The following NAALADL2 variants were observed in gnomAD, a reference collection of about 807,000 sequenced individuals.
NAALADL2 encodes inactive N-acetylated-alpha-linked acidic dipeptidase-like protein 2.
Under a neutral mutation model 87.2 loss-of-function variants are expected in NAALADL2, and 76 were observed. The ratio of observed to expected loss-of-function variants is 0.87; its 90% CI spans 0.72 to 1.05. The LOEUF (loss-of-function observed/expected upper bound fraction) is 1.05, where lower values mean the gene tolerates loss of function less well. Ranked by LOEUF, NAALADL2 falls within the 50% of genes least tolerant of loss-of-function variation. The pLI, the probability that NAALADL2 is intolerant of heterozygous loss-of-function variation, is 0.00. For missense variants in NAALADL2, 1,089 were observed against 945.8 expected (o/e 1.15, Z -1.99); for synonymous variants, 354 against 331.0 (o/e 1.07, Z -0.75).
Position 175,080,103 on chromosome 3 carries a change from C to T in NAALADL2, c.44-16687C>T, listed in dbSNP as rs111361199. ...GCCTCAGCCTCCCGAGTAGCTGGGA[C>T]TACAGGCGCCCGCCACGGCGCCCGG... On this transcript the variant is annotated intron_variant, in intron 1 of 13. Coordinates refer to ENST00000454872, the MANE Select transcript of NAALADL2 (RefSeq NM_207015.3). 1.4e-3 allele frequency among the ~76,000 whole-genome samples: 214 copies of T among 152,062 alleles called. 1 individual carries two copies. The highest frequency in any genetic ancestry group is 4.9e-3 in the African/African-American group (204 of 41,482).
At chr3:175,721,693 A>G (rs1015296877) in intron 11 of NAALADL2, among the ~76,000 whole-genome samples, 7 of 152,108 alleles carry the variant, frequency 4.6e-5, no homozygotes, top group Non-Finnish European at 7.4e-5. Context: ...TACTATCACA[A>G]TGTAAAATCA....
At chr3:175,044,063 T>G (rs1754396772) in intron 1 of NAALADL2, among the ~76,000 whole-genome samples, 1 of 152,298 alleles carries the variant, frequency 6.6e-6, no homozygotes, top group Non-Finnish European at 1.5e-5. Context: ...ATCAATGTTT[T>G]ATAGTTTTCA....
intron 9 of NAALADL2, among the ~76,000 whole-genome samples, chr3:175,552,456 G>A (rs1714572998): frequency 6.6e-6 from 1 of 152,088 alleles, no homozygotes; most frequent in African/African-American, 2.4e-5. Context: ...TCCCACTACT[G>A]CTATTTTAAG....
At chr3:174,747,948 T>C (rs924559885) in intron 3 of NAALADL2, among the ~76,000 whole-genome samples, 9 of 152,108 alleles carry the variant, frequency 5.9e-5, no homozygotes, top group African/African-American at 1.7e-4. Flanking sequence ...GAAGAAAATA[T>C]GGTATATTTA....
chr3:174,910,858 C>T (rs573707466), intron 1 of NAALADL2, among the ~76,000 whole-genome samples: 93 of 152,200 alleles, frequency 6.1e-4, no homozygotes, highest in African/African-American at 2.1e-3. Context: ...AAAGCTATCC[C>T]ATGACTATTG....
chr3:175,613,187 T>G (rs2149678776), intron 10 of NAALADL2, among the ~76,000 whole-genome samples: 1 of 152,278 alleles, frequency 6.6e-6, no homozygotes, highest in South Asian at 2.1e-4. Context: ...GGAGAGAAGC[T>G]AAAGAGAAAA....
chr3:174,910,294 TAA>T (rs987742351), intron 1 of NAALADL2, among the ~76,000 whole-genome samples: 26 of 152,262 alleles, frequency 1.7e-4, no homozygotes, highest in African/African-American at 6.0e-4. Flanking sequence ...CATGCTAACT[TAA>T]AGTCTTTGTG....
intron 11 of NAALADL2, among the ~76,000 whole-genome samples, chr3:175,672,526 T>C (rs901275282): frequency 2.0e-5 from 3 of 152,018 alleles, no homozygotes; most frequent in African/African-American, 7.2e-5. Flanking sequence ...TATTTTAGCT[T>C]TAGAAAAAGA....
intron 1 of NAALADL2, among the ~76,000 whole-genome samples, chr3:174,885,850 A>C (rs2109752013): frequency 8.8e-6 from 1 of 113,612 alleles, no homozygotes; most frequent in Non-Finnish European, 1.8e-5. Flanking sequence ...CCATCTGCTG[A>C]GGAGCAAGGA....
chr3:175,631,851 T>A (rs1233271950), intron 11 of NAALADL2, among the ~76,000 whole-genome samples: 1 of 152,082 alleles, frequency 6.6e-6, no homozygotes, highest in African/African-American at 2.4e-5. Context: ...GTTATGTTTC[T>A]AAAGTTTCAA....
intron 2 of NAALADL2, among the ~76,000 whole-genome samples, chr3:175,232,606 T>C (rs1253219003): frequency 1.3e-5 from 2 of 152,174 alleles, no homozygotes; most frequent in East Asian, 1.9e-4. Flanking sequence ...CTCAAAATGT[T>C]TTCAGAAAGC....
chr3:174,534,152 G>A (rs1000608276), intron 1 of NAALADL2, among the ~76,000 whole-genome samples: 1 of 152,066 alleles, frequency 6.6e-6, no homozygotes, highest in Non-Finnish European at 1.5e-5. Flanking sequence ...CATTTCTTAT[G>A]TCTGTGTACA....
rs188944253 is a variant in NAALADL2 at position 175,551,797 on chromosome 3, C to T, written c.1654-24244C>T. 5.2e-3 allele frequency among the ~76,000 whole-genome samples: 789 copies of T among 151,818 alleles called. 3 individuals carry two copies. The highest frequency in any genetic ancestry group is 8.8e-3 in the Non-Finnish European group (595 of 67,958). On this transcript the variant is annotated intron_variant, in intron 9 of 13. Coordinates refer to ENST00000454872, the MANE Select transcript of NAALADL2 (RefSeq NM_207015.3). ...CCTGTAGTCCCAGCTACTCAGGAGG[C>T]TGAGGCAGGAGAATGGCGTGAACCT... is the stretch of plus-strand genomic sequence containing the variant.
intron 5 of NAALADL2, among the ~76,000 whole-genome samples, chr3:175,446,839 G>C (rs548628294): frequency 1.1e-4 from 16 of 152,146 alleles, no homozygotes; most frequent in African/African-American, 3.6e-4. Flanking sequence ...TAGGTTTTAG[G>C]TTTCCCCCTC....
intron 1 of NAALADL2, among the ~76,000 whole-genome samples, chr3:174,927,096 A>T (rs1017406663): frequency 6.6e-5 from 10 of 152,154 alleles, no homozygotes; most frequent in African/African-American, 2.4e-4. Flanking sequence ...ACCAACAAAA[A>T]TCAAAAGAGA....
chr3:175,066,253 G>A (rs541514602), intron 1 of NAALADL2, among the ~76,000 whole-genome samples: 99 of 152,224 alleles, frequency 6.5e-4, no homozygotes, highest in Non-Finnish European at 1.1e-3. Flanking sequence ...CGTACTATGA[G>A]GACAGAAGTA....
At chr3:174,762,070 A>G (rs1713050806) in intron 3 of NAALADL2, among the ~76,000 whole-genome samples, 1 of 152,048 alleles carries the variant, frequency 6.6e-6, no homozygotes, top group African/African-American at 2.4e-5. Flanking sequence ...TATATCATGT[A>G]TTTTTTAAAG....
chr3:174,480,450 C>T (rs1462679500), intron 1 of NAALADL2, among the ~76,000 whole-genome samples: 1 of 151,994 alleles, frequency 6.6e-6, no homozygotes, highest in Non-Finnish European at 1.5e-5. Context: ...GCTACTCTTT[C>T]TTCCTTTTTC....
intron 2 of NAALADL2, among the ~76,000 whole-genome samples, chr3:175,231,113 TA>T (rs1193362347): frequency 3.3e-5 from 5 of 151,842 alleles, no homozygotes; most frequent in Non-Finnish European, 7.4e-5. Context: ...ACCAATTTTG[TA>T]AAAGTAAAAA....
Sources: allele counts gnomAD v4.1 joint callset (sites outside exome capture counted in the v4.1 genomes callset), GRCh38; gene constraint gnomAD v4.1.1; transcripts MANE v1.5; gene names NCBI Gene and HGNC (gene_info 2026-07-23, HGNC 2026-07-21).